Variants in CALN1 observed in about 807,000 individuals in gnomAD.
CALN1 encodes calcium-binding protein 8.
A neutral mutation model predicts 30.6 loss-of-function variants in CALN1; 17 were observed. That is an observed-to-expected ratio of 0.56 (90% CI 0.38 to 0.83). The LOEUF (loss-of-function observed/expected upper bound fraction) is 0.83. CALN1 is among the 40% of genes least tolerant of loss of function. The pLI is 0.00. For missense variants in CALN1, 291 were observed against 354.9 expected (o/e 0.82, Z 1.45); for synonymous variants, 156 against 131.4 (o/e 1.19, Z -1.28).
In CALN1 at chr7:72,238,724, TGAA is replaced by T. The variant is rs1794642763; in HGVS notation, c.244+39959_244+39961del. Among the ~76,000 whole-genome samples the T allele has an allele frequency of 3.3e-5, 5 of 152,304 alleles. No homozygotes were observed. The South Asian group carries it at 1.0e-3, about 32-fold the overall frequency. On this transcript the variant is annotated intron_variant, in intron 3 of 6. Transcript: ENST00000395275. Reference sequence around the variant, plus strand: ...TGCACCTCTATTTGCTGCCGCCACGTGAAGAAGGGCATGTTTGCTTCCCCTTCC... The same window carrying T: ...TGCACCTCTATTTGCTGCCGCCACGTGAAGGGCATGTTTGCTTCCCCTTCC...
At chr7:72,008,805 G>A (rs910841853) in intron 5 of CALN1, among the ~76,000 whole-genome samples, 25 of 151,842 alleles carry the variant, frequency 1.6e-4, no homozygotes, top group South Asian at 1.0e-3. Context: ...ACAGGTGCCC[G>A]CCACCACGCC....
chr7:71,874,787 G>T (rs140380169), intron 5 of CALN1, among the ~76,000 whole-genome samples: 1 of 152,036 alleles, frequency 6.6e-6, no homozygotes, highest in African/African-American at 2.4e-5. Context: ...CGAGAGAAAC[G>T]GCCAGAGTGG....
chr7:72,234,806 T>C (rs1400429203), intron 3 of CALN1, among the ~76,000 whole-genome samples: 1 of 152,206 alleles, frequency 6.6e-6, no homozygotes, highest in East Asian at 1.9e-4. Flanking sequence ...TCTAATTTAA[T>C]TTGGTATGTT....
chr7:72,153,284 G>C (rs1787397224), intron 3 of CALN1, among the ~76,000 whole-genome samples: 1 of 152,158 alleles, frequency 6.6e-6, no homozygotes, highest in Non-Finnish European at 1.5e-5. Context: ...TGTTCCAGTA[G>C]GAGAGATCCT....
chr7:72,461,836 C>T, the CALN1 span, among the ~76,000 whole-genome samples: 46 of 152,198 alleles, frequency 3.0e-4, no homozygotes, highest in African/African-American at 9.9e-4. Flanking sequence ...GGCAAAACCC[C>T]GTTTCTACTA....
chr7:72,165,364 A>T (rs2129545076), intron 3 of CALN1, among the ~76,000 whole-genome samples: 1 of 152,264 alleles, frequency 6.6e-6, no homozygotes, highest in South Asian at 2.1e-4. Flanking sequence ...GTTTGAGACC[A>T]GCCTGGCCAA....
At chr7:72,044,757 G>A (rs1433683571) in intron 4 of CALN1, among the ~76,000 whole-genome samples, 4 of 151,652 alleles carry the variant, frequency 2.6e-5, no homozygotes, top group Non-Finnish European at 5.9e-5. Context: ...GACTACAGGG[G>A]TGCGCCACCA....
chr7:72,151,722 T>C (rs1159360857), intron 3 of CALN1, among the ~76,000 whole-genome samples: 1 of 151,938 alleles, frequency 6.6e-6, no homozygotes, highest in African/African-American at 2.4e-5. Context: ...TTGTTGTTGT[T>C]GTTGTTAGAG....
At chr7:72,069,764 AT>A (rs1804264388) in intron 4 of CALN1, among the ~76,000 whole-genome samples, 1 of 152,098 alleles carries the variant, frequency 6.6e-6, no homozygotes, top group African/African-American at 2.4e-5. Flanking sequence ...TTGGGAGGCC[AT>A]TTTTCAGCCT....
intron 3 of CALN1, among the ~76,000 whole-genome samples, chr7:72,150,940 T>G (rs1295270000): frequency 6.6e-6 from 1 of 152,098 alleles, no homozygotes; most frequent in Non-Finnish European, 1.5e-5. Flanking sequence ...GCCTGCATCA[T>G]GAGGCTGTTC....
intron 2 of CALN1, among the ~76,000 whole-genome samples, chr7:72,366,416 T>C (rs985763208): frequency 3.9e-5 from 6 of 152,148 alleles, no homozygotes; most frequent in Admixed American, 3.9e-4. Context: ...CCTCAGGTGA[T>C]CCACCTGCCT....
At chr7:71,981,809 CT>C (rs1798411020) in intron 5 of CALN1, among the ~76,000 whole-genome samples, 1 of 152,122 alleles carries the variant, frequency 6.6e-6, no homozygotes, top group Admixed American at 6.5e-5. Flanking sequence ...GGACTCCCGG[CT>C]TGTGTCTGCT....
intron 4 of CALN1, chr7:72,103,491 C>G (rs1273074902): frequency 6.6e-6 from 1 of 152,086 alleles, no homozygotes; most frequent in Admixed American, 6.6e-5. Context: ...GATCTTACGG[C>G]TCTACTTATG....
intron 2 of CALN1, among the ~76,000 whole-genome samples, chr7:72,340,104 G>C (rs566342064): frequency 6.6e-6 from 1 of 152,326 alleles, no homozygotes; most frequent in African/African-American, 2.4e-5. Context: ...TGTGGTTCTT[G>C]TTCTAAATTT....
At chr7:72,324,370 A>G (rs1801112878) in intron 2 of CALN1, among the ~76,000 whole-genome samples, 1 of 152,050 alleles carries the variant, frequency 6.6e-6, no homozygotes, top group African/African-American at 2.4e-5. Context: ...TTCCAAGACC[A>G]CAGCAGGGTC....
rs1474276928 is a variant in CALN1 at position 72,193,602 on chromosome 7, T to C, written c.244+85084A>G. On this transcript the variant is annotated intron_variant, in intron 3 of 6. Transcript: ENST00000395275. Reference sequence around the variant, plus strand: ...CTACACATGTGGGCTAGACGGTATATGTTATTGCTCCTAGGTTACAAACCT... The same window carrying C: ...CTACACATGTGGGCTAGACGGTATACGTTATTGCTCCTAGGTTACAAACCT... Among the ~76,000 whole-genome samples, 9 of 152,214 alleles carry C rather than the reference T, an allele frequency of 5.9e-5. No individual in the cohort carries two copies. The East Asian group carries it at 7.7e-4, about 13-fold the overall frequency.
intron 3 of CALN1, among the ~76,000 whole-genome samples, chr7:72,198,258 T>C (rs1055076778): frequency 2.0e-5 from 3 of 152,200 alleles, no homozygotes; most frequent in African/African-American, 7.2e-5. Context: ...TTGCAAGGCT[T>C]TTTACTTTGG....
intron 3 of CALN1, among the ~76,000 whole-genome samples, chr7:72,277,584 A>G (rs926664197): frequency 6.6e-6 from 1 of 152,182 alleles, no homozygotes; most frequent in Non-Finnish European, 1.5e-5. Flanking sequence ...CTCCCTGCTC[A>G]TTCATGTAAA....
At chr7:72,404,504 C>G (rs563476654) in intron 1 of CALN1, among the ~76,000 whole-genome samples, 22 of 152,170 alleles carry the variant, frequency 1.4e-4, no homozygotes, top group Non-Finnish European at 3.1e-4. Context: ...CAACAAAGCC[C>G]CGGCCACCAT....
Sources: allele counts gnomAD v4.1 joint callset (sites outside exome capture counted in the v4.1 genomes callset), GRCh38; gene constraint gnomAD v4.1.1; transcripts MANE v1.5; gene names NCBI Gene and HGNC (gene_info 2026-07-23, HGNC 2026-07-21).